Variants in LDB2 observed in about 807,000 individuals in gnomAD.
The protein encoded by LDB2 is LIM domain binding 2.
A neutral mutation model predicts 44.3 loss-of-function variants in LDB2; 12 were observed. That is an observed-to-expected ratio of 0.27 (90% CI 0.17 to 0.44). The LOEUF is 0.44. Ranked by LOEUF, LDB2 falls within the 20% of genes least tolerant of loss-of-function variation. The probability of loss-of-function intolerance (pLI) is 1.00; values close to 1 mark genes in which losing one functional copy is unlikely to be tolerated. For missense variants in LDB2, 344 were observed against 473.5 expected, an observed-to-expected ratio of 0.73 and a Z score of 2.54; for synonymous variants, 164 against 174.8, an observed-to-expected ratio of 0.94 and a Z score of 0.49.
At chr4:16,548,192 C>A (rs1002162534) in intron 5 of LDB2, among the ~76,000 whole-genome samples, 1 of 152,154 alleles carries the variant, frequency 6.6e-6, no homozygotes, top group Admixed American at 6.5e-5. Flanking sequence ...GGGATAAAGA[C>A]ACAGGCATGG....
At chr4:16,565,826 C>T (rs1018676320) in intron 5 of LDB2, among the ~76,000 whole-genome samples, 15 of 151,850 alleles carry the variant, frequency 9.9e-5, no homozygotes, top group African/African-American at 3.1e-4. Flanking sequence ...CAATAACTTT[C>T]GTAAGTACAA....
At chr4:16,598,874 TTTC>T (rs1402974854) in intron 2 of LDB2, among the ~76,000 whole-genome samples, 2 of 60,202 alleles carry the variant, frequency 3.3e-5, no homozygotes, top group Non-Finnish European at 6.5e-5. Flanking sequence ...CTTTTCTTTC[TTTC>T]TTTTTTTTTT....
chr4:16,589,048 T>C (rs1032277532), intron 3 of LDB2, among the ~76,000 whole-genome samples: 3 of 152,200 alleles, frequency 2.0e-5, no homozygotes, highest in African/African-American at 4.8e-5. Flanking sequence ...TTATTGGCCA[T>C]GATGTGCTAG....
Position 16,634,826 on chromosome 4 carries a change from A to G in LDB2, c.236-38951T>C, listed in dbSNP as rs1356006845. Reference sequence around the variant, plus strand: ...AAAGGATTATAAATCATTCTATGATAAAGACACATGCACACGTATGTTTAT... The same window carrying G: ...AAAGGATTATAAATCATTCTATGATGAAGACACATGCACACGTATGTTTAT... On this transcript the variant is annotated intron_variant, in intron 2 of 7. Coordinates refer to ENST00000304523, the MANE Select transcript of LDB2 (RefSeq NM_001290.5). Among the ~76,000 whole-genome samples, 6 of 152,324 alleles carry G rather than the reference A, an allele frequency of 3.9e-5. No individual in the cohort carries two copies. The East Asian group carries it at 1.2e-3, about 29-fold the overall frequency.
Position 16,760,491 on chromosome 4 carries a change from C to A in LDB2, c.133-1231G>T, listed in dbSNP as rs116398168. On this transcript the variant is annotated intron_variant, in intron 1 of 7. Transcript: ENST00000304523. ...TTCCTTCCAATCACCATAGCAAAAGCCAATCCCTTTCTCAGTAAAACAGGG... is the reference window on the plus strand; with the variant it reads ...TTCCTTCCAATCACCATAGCAAAAGACAATCCCTTTCTCAGTAAAACAGGG... 6.7e-3 allele frequency among the ~76,000 whole-genome samples: 1,017 copies of A among 152,262 alleles called. 5 individuals carry two copies. Among genetic ancestry groups the A allele is most frequent in the Middle Eastern group, 0.024 (7 of 294 alleles).
chr4:16,817,582 T>C (rs1361396462), intron 1 of LDB2, among the ~76,000 whole-genome samples: 1 of 152,234 alleles, frequency 6.6e-6, no homozygotes, highest in Non-Finnish European at 1.5e-5. Flanking sequence ...CTCTGAGCTG[T>C]AATCTAAGTC....
chr4:16,871,402 G>A (rs10005754), intron 1 of LDB2, among the ~76,000 whole-genome samples: 56,867 of 151,958 alleles, frequency 0.37, 11,948 homozygotes, highest in East Asian at 0.7. Context: ...AATTAAGTAT[G>A]AAAGTTTGCA....
chr4:16,506,024 A>G, intron 7 of LDB2: 1 of 1,541,106 alleles, frequency 6.5e-7, no homozygotes, highest in Non-Finnish European at 8.8e-7. Context: ...ATTAAACCCT[A>G]GCCCTCGCCA....
intron 4 of LDB2, among the ~76,000 whole-genome samples, chr4:16,586,429 G>A (rs76601446): frequency 0.015 from 2,221 of 151,492 alleles, 54 homozygotes; most frequent in African/African-American, 0.05. Context: ...GATAGCGGTG[G>A]TGTTTTTACA....
chr4:16,631,848 A>C (rs1240173958), intron 2 of LDB2, among the ~76,000 whole-genome samples: 5 of 152,250 alleles, frequency 3.3e-5, no homozygotes, highest in African/African-American at 1.2e-4. Flanking sequence ...GAAATGGATA[A>C]ATTCCTAGAC....
chr4:16,800,809 G>A (rs183621462), intron 1 of LDB2, among the ~76,000 whole-genome samples: 1 of 152,136 alleles, frequency 6.6e-6, no homozygotes, highest in African/African-American at 2.4e-5. Context: ...CAAGTAGCTG[G>A]GACTACAGGC....
At chr4:16,867,353 A>T (rs1373771611) in intron 1 of LDB2, among the ~76,000 whole-genome samples, 2 of 152,240 alleles carry the variant, frequency 1.3e-5, no homozygotes, top group African/African-American at 4.8e-5. Context: ...AACACTAAAG[A>T]TGGGTAGGTC....
intron 2 of LDB2, among the ~76,000 whole-genome samples, chr4:16,632,927 C>G (rs1732418740): frequency 6.6e-6 from 1 of 152,120 alleles, no homozygotes; most frequent in Non-Finnish European, 1.5e-5. Context: ...CCCAGCCATC[C>G]CATTACTGGG....
chr4:16,558,938 G>A (rs1408574991), intron 5 of LDB2, among the ~76,000 whole-genome samples: 1 of 152,138 alleles, frequency 6.6e-6, no homozygotes, highest in East Asian at 1.9e-4. Flanking sequence ...TTTCAACCCA[G>A]AATTTCATAT....
In LDB2 at chr4:16,530,370, A is replaced by C. The variant is rs181717077; in HGVS notation, c.616-18266T>G. 2.6e-5 allele frequency among the ~76,000 whole-genome samples: 4 copies of C among 152,294 alleles called. No homozygotes were observed. The East Asian group carries it at 7.7e-4, about 29-fold the overall frequency. On this transcript the variant is annotated intron_variant, in intron 5 of 7. Coordinates refer to ENST00000304523, the MANE Select transcript of LDB2 (RefSeq NM_001290.5). ...GGGTCTAGTCTCAAACTTCCTTGCT[A>C]GCTCTTGGAAAGTTCTTGAAACCCA...
At chr4:16,779,922 T>C (rs1772797523) in intron 1 of LDB2, among the ~76,000 whole-genome samples, 1 of 152,256 alleles carries the variant, frequency 6.6e-6, no homozygotes, top group Non-Finnish European at 1.5e-5. Context: ...ATCTTCTTTC[T>C]TTTCTGTATT....
chr4:16,731,642 C>T (rs541649668), intron 2 of LDB2, among the ~76,000 whole-genome samples: 1 of 152,324 alleles, frequency 6.6e-6, no homozygotes, highest in Non-Finnish European at 1.5e-5. Flanking sequence ...TTCCAGCCTT[C>T]AACACTGAGA....
At chr4:16,561,641 G>A (rs539220829) in intron 5 of LDB2, among the ~76,000 whole-genome samples, 1 of 152,106 alleles carries the variant, frequency 6.6e-6, no homozygotes, top group Middle Eastern at 3.2e-3. Flanking sequence ...TGGCCATACT[G>A]CCCAAGGTAG....
At chr4:16,797,299 C>T (rs1776925016) in intron 1 of LDB2, among the ~76,000 whole-genome samples, 1 of 152,118 alleles carries the variant, frequency 6.6e-6, no homozygotes. Flanking sequence ...CAAGGGTCAA[C>T]TGTAATGTAT....
Sources: allele counts gnomAD v4.1 joint callset (sites outside exome capture counted in the v4.1 genomes callset), GRCh38; gene constraint gnomAD v4.1.1; transcripts MANE v1.5; gene names NCBI Gene and HGNC (gene_info 2026-07-23, HGNC 2026-07-21).